METTL25: variants seen among roughly 807,000 people sequenced by gnomAD.
The protein encoded by METTL25 is methyltransferase like 25, also known as probable methyltransferase-like protein 25.
Under a neutral mutation model 71.6 loss-of-function variants are expected in METTL25, and 64 were observed. The observed-to-expected ratio is 0.89, with a 90% confidence interval of 0.73 to 1.10. METTL25 has a LOEUF of 1.10. Ranked by LOEUF, METTL25 falls within the 50% of genes least tolerant of loss-of-function variation. METTL25 has a pLI of 0.00. For missense variants in METTL25, 807 were observed against 707.0 expected, an observed-to-expected ratio of 1.14 and a Z score of -1.60; for synonymous variants, 287 against 250.3, an observed-to-expected ratio of 1.15 and a Z score of -1.38.
chr12:82,395,608 T>A (rs1330697017), intron 3 of METTL25, among the ~76,000 whole-genome samples: 1 of 152,044 alleles, frequency 6.6e-6, no homozygotes. Context: ...AAAATGTATC[T>A]TTACTATCTA....
intron 5 of METTL25, among the ~76,000 whole-genome samples, chr12:82,429,833 A>C (rs947497278): frequency 1.8e-4 from 28 of 151,368 alleles, no homozygotes; most frequent in Non-Finnish European, 4.4e-5. Flanking sequence ...CCTAGGGAGG[A>C]TCGTCCATAT....
intron 3 of METTL25, among the ~76,000 whole-genome samples, chr12:82,395,018 T>G (rs777966238): frequency 6.6e-6 from 1 of 151,774 alleles, no homozygotes; most frequent in Non-Finnish European, 1.5e-5. Context: ...GACAGGACAT[T>G]AAGTTGCAAT....
chr12:82,413,986 G>A (rs894215076), intron 5 of METTL25, among the ~76,000 whole-genome samples: 12 of 150,638 alleles, frequency 8.0e-5, no homozygotes, highest in African/African-American at 2.4e-4. Context: ...TATAACAAAT[G>A]TATATATATA....
intron 9 of METTL25, among the ~76,000 whole-genome samples, chr12:82,465,030 A>G (rs1186369824): frequency 6.6e-6 from 1 of 151,902 alleles, no homozygotes; most frequent in Non-Finnish European, 1.5e-5. Flanking sequence ...TTCTATATGT[A>G]AGATCATGTC....
Position 82,452,086 on chromosome 12 carries a change from TAA to T in METTL25, c.1479-4640_1479-4639del, listed in dbSNP as rs549149926. On this transcript the variant is annotated intron_variant, in intron 8 of 11. Coordinates refer to ENST00000248306, the MANE Select transcript of METTL25 (RefSeq NM_032230.3). Reference sequence around the variant, plus strand: ...ACATGGAGGCAACATAAAGAAATTATAAGTTTTTATTTTAAATTATTAAATAT... The same window carrying T: ...ACATGGAGGCAACATAAAGAAATTATGTTTTTATTTTAAATTATTAAATAT... Among the ~76,000 whole-genome samples the T allele has an allele frequency of 2.1e-3, 322 of 152,284 alleles. 2 individuals are homozygous for T. The highest frequency in any genetic ancestry group is 7.4e-3 in the African/African-American group (307 of 41,574).
chr12:82,419,090 C>T (rs1448569400), intron 5 of METTL25, among the ~76,000 whole-genome samples: 1 of 152,020 alleles, frequency 6.6e-6, no homozygotes, highest in Non-Finnish European at 1.5e-5. Flanking sequence ...GCAGCAGATG[C>T]TGATCAAGAG....
At chr12:82,389,095 G>A (rs778574718) in intron 2 of METTL25, among the ~76,000 whole-genome samples, 20 of 152,010 alleles carry the variant, frequency 1.3e-4, no homozygotes, top group Non-Finnish European at 2.5e-4. Flanking sequence ...CACTGATGAT[G>A]TTGACTACCT....
intron 8 of METTL25, among the ~76,000 whole-genome samples, chr12:82,444,506 G>T (rs1316153682): frequency 2.6e-5 from 4 of 152,218 alleles, no homozygotes; most frequent in Admixed American, 6.5e-5. Context: ...AAATTCCGAA[G>T]ACTCTTAATA....
chr12:82,470,001 T>C (rs1892475456), intron 9 of METTL25, among the ~76,000 whole-genome samples: 1 of 152,172 alleles, frequency 6.6e-6, no homozygotes, highest in Admixed American at 6.5e-5. Flanking sequence ...GAGTTCCCTC[T>C]CCAACATGAA....
At chr12:82,432,944 A>G (rs1444503862) in intron 6 of METTL25, among the ~76,000 whole-genome samples, 1 of 151,456 alleles carries the variant, frequency 6.6e-6, no homozygotes, top group Non-Finnish European at 1.5e-5. Context: ...TACTAACCAG[A>G]CACAAAATAT....
At chr12:82,375,238 G>A (rs754473581) in intron 1 of METTL25, among the ~76,000 whole-genome samples, 17 of 152,106 alleles carry the variant, frequency 1.1e-4, no homozygotes, top group Admixed American at 3.3e-4. Context: ...AGGACCTTTA[G>A]TAGGTGATTG....
At position 82,394,949 on chromosome 12, in the gene METTL25, TC is replaced by T. The variant is rs989631464; in HGVS notation, c.532-3844del. 2.0e-5 allele frequency among the ~76,000 whole-genome samples: 3 copies of T among 151,640 alleles called. No individual in the cohort carries two copies. The Admixed American group carries it at 2.0e-4, about 10-fold the overall frequency. ...ACATGCATACTTTGTTTCTGAAACA[TC>T]CAGGAAGTCAGATTGAACAAGCAGA... On this transcript the variant is annotated intron_variant, in intron 3 of 11. Coordinates refer to ENST00000248306, the MANE Select transcript of METTL25 (RefSeq NM_032230.3).
chr12:82,376,780 GA>G (rs750287253), intron 1 of METTL25, among the ~76,000 whole-genome samples: 35 of 152,058 alleles, frequency 2.3e-4, no homozygotes, highest in Non-Finnish European at 4.4e-4. Flanking sequence ...TTACTTTTTG[GA>G]GGGGGAGAGT....
At chr12:82,474,052 G>T (rs1892732280) in intron 9 of METTL25, among the ~76,000 whole-genome samples, 1 of 152,272 alleles carries the variant, frequency 6.6e-6, no homozygotes, top group East Asian at 1.9e-4. Flanking sequence ...AGTGGGGAGT[G>T]CGCGCATTGT....
At chr12:82,361,716 T>C (rs770596133) in intron 1 of METTL25, among the ~76,000 whole-genome samples, 1 of 152,150 alleles carries the variant, frequency 6.6e-6, no homozygotes, top group Admixed American at 6.5e-5. Flanking sequence ...CTCTGAGTGC[T>C]GGGCCTGCCA....
chr12:82,371,039 A>C (rs1176813432), intron 1 of METTL25, among the ~76,000 whole-genome samples: 2 of 152,238 alleles, frequency 1.3e-5, no homozygotes, highest in Admixed American at 6.5e-5. Flanking sequence ...TGTAGGATTA[A>C]ATGAACACAC....
intron 4 of METTL25, among the ~76,000 whole-genome samples, chr12:82,402,263 A>C (rs1393973004): frequency 6.6e-6 from 1 of 151,406 alleles, no homozygotes; most frequent in African/African-American, 2.4e-5. Flanking sequence ...TAAAGTAGAA[A>C]TACCAAGTTT....
At chr12:82,402,489 A>G (rs1886716963) in intron 4 of METTL25, among the ~76,000 whole-genome samples, 1 of 152,144 alleles carries the variant, frequency 6.6e-6, no homozygotes, top group Non-Finnish European at 1.5e-5. Flanking sequence ...ATGGGAGAAA[A>G]TATAAACAGG....
chr12:82,364,977 A>G (rs1882393846), intron 1 of METTL25, among the ~76,000 whole-genome samples: 1 of 152,208 alleles, frequency 6.6e-6, no homozygotes, highest in Admixed American at 6.5e-5. Flanking sequence ...GTTTCTGTTT[A>G]TAGATGAGTA....
Sources: allele counts gnomAD v4.1 joint callset (sites outside exome capture counted in the v4.1 genomes callset), GRCh38; gene constraint gnomAD v4.1.1; transcripts MANE v1.5; gene names NCBI Gene and HGNC (gene_info 2026-07-23, HGNC 2026-07-21).